Variants in MARK3 observed in about 807,000 individuals in gnomAD.
MARK3 encodes the protein microtubule affinity regulating kinase 3.
Under a neutral mutation model 90.1 loss-of-function variants are expected in MARK3, and 46 were observed. That is an observed-to-expected ratio of 0.51 (90% CI 0.40 to 0.65). MARK3 has a LOEUF of 0.65. Among genes scored for constraint, MARK3 ranks in the 30% least tolerant of loss-of-function variants. The probability of loss-of-function intolerance (pLI) is 0.00; values close to 1 mark genes in which losing one functional copy is unlikely to be tolerated. For missense variants in MARK3, 818 were observed against 947.2 expected (o/e 0.86, Z 1.79); for synonymous variants, 321 against 332.6 (o/e 0.97, Z 0.38).
intron 13 of MARK3, among the ~76,000 whole-genome samples, chr14:103,477,463 G>T (rs1488542247): frequency 6.6e-6 from 1 of 151,924 alleles, no homozygotes; most frequent in Non-Finnish European, 1.5e-5. Flanking sequence ...TTGCACTCCA[G>T]CCTGGGTAAC....
At chr14:103,449,204 T>C (rs576630110) in intron 4 of MARK3, among the ~76,000 whole-genome samples, 2 of 151,858 alleles carry the variant, frequency 1.3e-5, no homozygotes, top group African/African-American at 4.8e-5. Flanking sequence ...ATTATAATTT[T>C]CTAATTTTTA....
chr14:103,485,171 G>C (rs1479512924), intron 14 of MARK3, among the ~76,000 whole-genome samples: 1 of 149,418 alleles, frequency 6.7e-6, no homozygotes, highest in Admixed American at 6.7e-5. Context: ...CAGAGGTTGC[G>C]GTGAGCCAAG....
At chr14:103,412,822 G>A (rs1595540581) in intron 2 of MARK3, 2 of 353,168 alleles carry the variant, frequency 5.7e-6, no homozygotes, top group East Asian at 8.5e-5. Flanking sequence ...ATTATTAATA[G>A]TTTGGGAGGA....
At chr14:103,389,315 G>C (rs2090045809) in intron 1 of MARK3, among the ~76,000 whole-genome samples, 1 of 150,178 alleles carries the variant, frequency 6.7e-6, no homozygotes. Flanking sequence ...AGTGAGCCGA[G>C]ATTGGGCCAC....
intron 2 of MARK3, among the ~76,000 whole-genome samples, chr14:103,410,449 G>T (rs779828922): frequency 1.3e-5 from 2 of 152,176 alleles, no homozygotes; most frequent in Non-Finnish European, 2.9e-5. Context: ...ACAAAAAAAG[G>T]GTGTAGAGAA....
chr14:103,400,376 C>T (rs769858486), intron 1 of MARK3, among the ~76,000 whole-genome samples: 23 of 152,162 alleles, frequency 1.5e-4, no homozygotes, highest in Non-Finnish European at 2.8e-4. Context: ...AGTATTTGGC[C>T]AATGTGGTCT....
intron 2 of MARK3, among the ~76,000 whole-genome samples, chr14:103,424,131 A>C (rs573594462): frequency 1.3e-5 from 2 of 151,940 alleles, no homozygotes; most frequent in African/African-American, 4.8e-5. Flanking sequence ...AATTGCTCGA[A>C]CCCGGGAGGC....
At chr14:103,500,670 C>A (rs1414848100) in intron 17 of MARK3, among the ~76,000 whole-genome samples, 1 of 151,774 alleles carries the variant, frequency 6.6e-6, no homozygotes, top group Admixed American at 6.6e-5. Flanking sequence ...CGCTCTGTCA[C>A]CCAGTCTGGA....
chr14:103,396,820 T>C (rs1334163409), intron 1 of MARK3, among the ~76,000 whole-genome samples: 1 of 152,138 alleles, frequency 6.6e-6, no homozygotes, highest in Non-Finnish European at 1.5e-5. Context: ...AATGTGATCA[T>C]GTCCTTTGGG....
intron 3 of MARK3, among the ~76,000 whole-genome samples, chr14:103,448,250 A>G (rs1467165508): frequency 6.6e-6 from 1 of 152,150 alleles, no homozygotes; most frequent in Non-Finnish European, 1.5e-5. Context: ...ATGACGCCCA[A>G]GCATTTTATC....
intron 5 of MARK3, among the ~76,000 whole-genome samples, chr14:103,452,474 T>TC (rs2093172199): frequency 8.5e-6 from 1 of 117,454 alleles, no homozygotes; most frequent in Admixed American, 8.8e-5. Context: ...GATTTGTCTT[T>TC]TTTTTTTTTT....
chr14:103,401,025 G>A lies in MARK3; in HGVS notation c.52-4051G>A, dbSNP rs113269725. On this transcript the variant is annotated intron_variant, in intron 1 of 17. Coordinates refer to ENST00000429436, the MANE Select transcript of MARK3 (RefSeq NM_001128918.3). ...GCTCCTTAGGAAGAAAAAAATACGTGTATGAAATAATTGATTAACAGTACA... is the reference window on the plus strand; with the variant it reads ...GCTCCTTAGGAAGAAAAAAATACGTATATGAAATAATTGATTAACAGTACA... 2.9e-3 allele frequency among the ~76,000 whole-genome samples: 421 copies of A among 145,722 alleles called. 2 individuals carry two copies. The highest frequency in any genetic ancestry group is 0.01 in the African/African-American group (407 of 39,326).
intron 2 of MARK3, chr14:103,412,397 C>A (rs1184752713): frequency 3.3e-6 from 2 of 603,560 alleles, no homozygotes; most frequent in African/African-American, 1.9e-5. Context: ...TAGGCCTATG[C>A]CGAGGATTCG....
intron 5 of MARK3, 100 bp from the exon 6 acceptor site, chr14:103,457,042 T>C: frequency 1.5e-6 from 1 of 669,476 alleles, no homozygotes; most frequent in South Asian, 2.2e-5. Flanking sequence ...TATATCTATA[T>C]TTAAAAATTA....
intron 4 of MARK3, 95 bp from the exon 5 acceptor site, chr14:103,451,822 GA>G: frequency 2.6e-6 from 2 of 768,706 alleles, no homozygotes; most frequent in East Asian, 2.8e-5. Context: ...CTTTAACAGG[GA>G]AAAGGTTGCT....
chr14:103,468,368 A>G (rs2093558713), intron 12 of MARK3, among the ~76,000 whole-genome samples, 182 bp downstream of exon 12: 1 of 114,498 alleles, frequency 8.7e-6, no homozygotes, highest in Non-Finnish European at 1.6e-5. Flanking sequence ...TCTGTTGCCC[A>G]GGCTGGAGTG....
chr14:103,491,549 A>G, intron 14 of MARK3: 1 of 478,944 alleles, frequency 2.1e-6, no homozygotes, highest in East Asian at 3.6e-5. Context: ...GTCCTTGAAA[A>G]TATATATAAT....
chr14:103,410,149 G>A (rs905783825), intron 2 of MARK3, among the ~76,000 whole-genome samples: 19 of 152,192 alleles, frequency 1.2e-4, no homozygotes, highest in Admixed American at 2.6e-4. Context: ...CAATACCAGG[G>A]ACTAGGTAAT....
intron 16 of MARK3, chr14:103,498,884 T>C (rs2075494033): frequency 6.3e-6 from 1 of 159,982 alleles, no homozygotes; most frequent in East Asian, 1.8e-4. Flanking sequence ...TTAATGATTA[T>C]CCACAGGCAT....
Sources: allele counts gnomAD v4.1 joint callset (sites outside exome capture counted in the v4.1 genomes callset), GRCh38; gene constraint gnomAD v4.1.1; transcripts MANE v1.5; gene names NCBI Gene and HGNC (gene_info 2026-07-23, HGNC 2026-07-21).